RPS6KC1: variants seen among roughly 807,000 people sequenced by gnomAD.
The protein encoded by RPS6KC1 is inactive ribosomal protein S6 kinase delta-1.
A neutral mutation model predicts 103.8 loss-of-function variants in RPS6KC1; 54 were observed. The observed-to-expected ratio is 0.52, with a 90% CI of 0.42 to 0.65. The LOEUF is 0.65. Among genes scored for constraint, RPS6KC1 ranks in the 30% least tolerant of loss-of-function variants. RPS6KC1 has a pLI of 0.00. For synonymous variants in RPS6KC1, 439 were observed against 438.7 expected, an observed-to-expected ratio of 1.00 and a Z score of -0.01; for missense variants, 1,151 against 1,253.8, an observed-to-expected ratio of 0.92 and a Z score of 1.24.
chr1:213,744,258 G>A, the RPS6KC1 span, among the ~76,000 whole-genome samples: 3 of 151,946 alleles, frequency 2.0e-5, no homozygotes. Flanking sequence ...GTTTATCCAT[G>A]TAAACAAAAA....
At chr1:213,859,235 G>T in the RPS6KC1 span, among the ~76,000 whole-genome samples, 1 of 152,142 alleles carries the variant, frequency 6.6e-6, no homozygotes, top group Admixed American at 6.5e-5. Flanking sequence ...GCCTGAGAGG[G>T]TACTTGCAAT....
At chr1:213,567,687 C>T in the RPS6KC1 span, among the ~76,000 whole-genome samples, 396 of 152,296 alleles carry the variant, frequency 2.6e-3, 1 homozygote, top group Non-Finnish European at 4.5e-3. Context: ...ATTAATTCTT[C>T]ACAACCCTAA....
the RPS6KC1 span, among the ~76,000 whole-genome samples, chr1:213,854,375 T>C: frequency 1.3e-5 from 2 of 152,200 alleles, no homozygotes; most frequent in Non-Finnish European, 2.9e-5. Flanking sequence ...CACTGGCAAA[T>C]TCCCCTGAGT....
chr1:213,815,097 C>G, the RPS6KC1 span, among the ~76,000 whole-genome samples: 3 of 152,132 alleles, frequency 2.0e-5, no homozygotes, highest in Admixed American at 6.5e-5. Context: ...ATGCTGTTCT[C>G]GTGATAGTGA....
chr1:213,269,717 G>A (rs1339083172), intron 14 of RPS6KC1, among the ~76,000 whole-genome samples: 1 of 151,880 alleles, frequency 6.6e-6, no homozygotes, highest in African/African-American at 2.4e-5. Context: ...GAAAAAAAGG[G>A]AAGGTTTTTA....
intron 6 of RPS6KC1, among the ~76,000 whole-genome samples, chr1:213,164,122 A>C (rs2090738392): frequency 6.6e-6 from 1 of 152,254 alleles, no homozygotes; most frequent in South Asian, 2.1e-4. Context: ...TAACTGAGAA[A>C]GACATTTCAC....
At chr1:213,583,054 T>G in the RPS6KC1 span, among the ~76,000 whole-genome samples, 2 of 152,228 alleles carry the variant, frequency 1.3e-5, no homozygotes. Flanking sequence ...CTTAGCATAT[T>G]GCTTTTGAGA....
At chr1:213,291,323 C>T in the RPS6KC1 span, among the ~76,000 whole-genome samples, 1 of 152,152 alleles carries the variant, frequency 6.6e-6, no homozygotes, top group Non-Finnish European at 1.5e-5. Context: ...AGAAACCGCC[C>T]CTCTCTGCAA....
the RPS6KC1 span, among the ~76,000 whole-genome samples, chr1:213,663,004 A>G: frequency 6.6e-6 from 1 of 152,156 alleles, no homozygotes; most frequent in Non-Finnish European, 1.5e-5. Flanking sequence ...CTAATATGTT[A>G]GTGTTTTATA....
At chr1:213,104,385 G>T in intron 3 of RPS6KC1, 69 bp from the exon 4 acceptor site, 1 of 1,001,032 alleles carries the variant, frequency 1.0e-6, no homozygotes, top group Non-Finnish European at 1.5e-6. Context: ...TCTGATCTGT[G>T]GACGTAAACT....
At chr1:213,481,940 T>C in the RPS6KC1 span, among the ~76,000 whole-genome samples, 2 of 152,172 alleles carry the variant, frequency 1.3e-5, no homozygotes, top group Non-Finnish European at 2.9e-5. Context: ...GCTGTCCTTG[T>C]GATGGCAAGT....
At chr1:213,482,799 G>A in the RPS6KC1 span, among the ~76,000 whole-genome samples, 2 of 151,704 alleles carry the variant, frequency 1.3e-5, no homozygotes, top group Middle Eastern at 3.2e-3. Context: ...TGCCCGCCTC[G>A]GCCTCCCAAA....
At chr1:213,530,036 TTA>T in the RPS6KC1 span, among the ~76,000 whole-genome samples, 1 of 7,814 alleles carries the variant, frequency 1.3e-4, no homozygotes, top group South Asian at 0.019. Flanking sequence ...ACTTCTTTTA[TTA>T]TTATTATTAT....
the RPS6KC1 span, among the ~76,000 whole-genome samples, chr1:213,733,404 T>G: frequency 0.77 from 117,170 of 151,746 alleles, 45,436 homozygotes; most frequent in Middle Eastern, 0.92. Flanking sequence ...CACAGCCAAT[T>G]TTTTCTATTT....
intron 3 of RPS6KC1, among the ~76,000 whole-genome samples, chr1:213,091,717 A>T (rs2080982617): frequency 6.6e-6 from 1 of 152,234 alleles, no homozygotes; most frequent in African/African-American, 2.4e-5. Context: ...TCAAGCTTAC[A>T]GTGGTTTGAC....
At chr1:213,639,770 T>A in the RPS6KC1 span, among the ~76,000 whole-genome samples, 561 of 151,930 alleles carry the variant, frequency 3.7e-3, 6 homozygotes, top group African/African-American at 0.012. Context: ...TGGTGATTTT[T>A]AAAAAAAGAT....
At chr1:213,804,625 A>G in the RPS6KC1 span, among the ~76,000 whole-genome samples, 14 of 152,346 alleles carry the variant, frequency 9.2e-5, no homozygotes, top group East Asian at 2.7e-3. Flanking sequence ...CTTCTAGCAT[A>G]CAATGTAATT....
At chr1:213,618,766 G>A in the RPS6KC1 span, among the ~76,000 whole-genome samples, 1 of 152,172 alleles carries the variant, frequency 6.6e-6, no homozygotes, top group Admixed American at 6.5e-5. Context: ...CCTTGGCAGG[G>A]GAAAATGCAT....
chr1:213,453,588 G>A, the RPS6KC1 span, among the ~76,000 whole-genome samples: 3 of 152,178 alleles, frequency 2.0e-5, no homozygotes, highest in Admixed American at 6.5e-5. Context: ...GCCAGAGACC[G>A]TGAAAAGCAA....
Sources: allele counts gnomAD v4.1 joint callset (sites outside exome capture counted in the v4.1 genomes callset), GRCh38; gene constraint gnomAD v4.1.1; transcripts MANE v1.5; gene names NCBI Gene and HGNC (gene_info 2026-07-23, HGNC 2026-07-21).